Variants in AUTS2 observed in about 807,000 individuals in gnomAD.
The protein encoded by AUTS2 is autism susceptibility gene 2 protein.
AUTS2 carries 17 observed loss-of-function variants against 112.4 expected under a neutral mutation model. The ratio of observed to expected loss-of-function variants is 0.15; its 90% CI spans 0.10 to 0.23. The LOEUF (loss-of-function observed/expected upper bound fraction) is 0.23. AUTS2 is among the 10% of genes least tolerant of loss of function. The pLI is 1.00. For synonymous variants in AUTS2, 751 were observed against 702.7 expected (o/e 1.07, Z -1.09); for missense variants, 1,510 against 1,701.6 (o/e 0.89, Z 1.98).
At chr7:70,548,932 C>T (rs910003131) in intron 5 of AUTS2, among the ~76,000 whole-genome samples, 7 of 143,880 alleles carry the variant, frequency 4.9e-5, no homozygotes, top group Admixed American at 4.1e-4. Flanking sequence ...CTACCCCCCC[C>T]CCAAAAAAAA....
At chr7:70,606,623 G>C (rs550051666) in intron 5 of AUTS2, among the ~76,000 whole-genome samples, 1 of 152,116 alleles carries the variant, frequency 6.6e-6, no homozygotes, top group Non-Finnish European at 1.5e-5. Context: ...CACTTTGGGA[G>C]GCTGAGGCAG....
At chr7:70,474,258 T>TG (rs1280329985) in intron 5 of AUTS2, among the ~76,000 whole-genome samples, 13 of 152,338 alleles carry the variant, frequency 8.5e-5, no homozygotes, top group African/African-American at 2.9e-4. Context: ...ACTCACAAGA[T>TG]GAAGTTTACT....
intron 1 of AUTS2, among the ~76,000 whole-genome samples, chr7:69,855,073 T>C (rs1166527336): frequency 6.6e-6 from 1 of 152,218 alleles, no homozygotes; most frequent in Non-Finnish European, 1.5e-5. Flanking sequence ...GGTGAAAATC[T>C]ACAGAAAACA....
intron 5 of AUTS2, among the ~76,000 whole-genome samples, chr7:70,561,664 G>A (rs1013296083): frequency 2.0e-5 from 3 of 152,062 alleles, no homozygotes; most frequent in Non-Finnish European, 4.4e-5. Flanking sequence ...GAAGCTTTAC[G>A]TTAGGTTGAT....
chr7:70,017,684 C>T (rs1401390121), intron 2 of AUTS2, among the ~76,000 whole-genome samples: 1 of 152,146 alleles, frequency 6.6e-6, no homozygotes, highest in Non-Finnish European at 1.5e-5. Flanking sequence ...TATTTTCAGT[C>T]TTCCTCCAGA....
intron 4 of AUTS2, among the ~76,000 whole-genome samples, chr7:70,271,064 G>C (rs1787671453): frequency 6.6e-6 from 1 of 151,946 alleles, no homozygotes; most frequent in East Asian, 1.9e-4. Context: ...CCGGAGTTCA[G>C]GCTTCTCCTG....
intron 1 of AUTS2, among the ~76,000 whole-genome samples, chr7:69,778,248 T>TATATA (rs1562876862): frequency 1.0e-3 from 55 of 52,704 alleles, no homozygotes; most frequent in African/African-American, 1.9e-3. Context: ...ATATATATAT[T>TATATA]TTTTTTTTTT....
chr7:70,645,548 T>C (rs1170997216), intron 5 of AUTS2, among the ~76,000 whole-genome samples: 1 of 152,120 alleles, frequency 6.6e-6, no homozygotes, highest in Non-Finnish European at 1.5e-5. Context: ...GTGTGGTTTT[T>C]TCCCATAGAG....
rs185791079 is a variant in AUTS2, at chr7:69,800,811, A to G, written c.310-98475A>G. Among the ~76,000 whole-genome samples the G allele has an allele frequency of 5.1e-4, 77 of 152,194 alleles. No homozygotes were observed. In the Middle Eastern group the frequency reaches 0.01, roughly 20 times the overall value. The stretch of plus-strand genomic sequence containing the variant: ...GCCTTTTTCCCCAGCCCCTCCCTGC[A>G]CTGTTCCTGAAGAGGGCTGTGTTTT... On this transcript the variant is annotated intron_variant, in intron 1 of 18. Transcript: ENST00000342771.
chr7:70,000,136 A>G (rs1265084914), intron 2 of AUTS2, among the ~76,000 whole-genome samples: 1 of 152,228 alleles, frequency 6.6e-6, no homozygotes, highest in Non-Finnish European at 1.5e-5. Flanking sequence ...GCACATTGAA[A>G]CAAATTTATG....
intron 2 of AUTS2, among the ~76,000 whole-genome samples, chr7:70,069,204 C>T (rs1028624933): frequency 2.0e-5 from 3 of 152,122 alleles, no homozygotes; most frequent in African/African-American, 7.2e-5. Flanking sequence ...GAGCATAGCT[C>T]TCTCTGACTT....
At chr7:70,026,419 A>G (rs1421680502) in intron 2 of AUTS2, among the ~76,000 whole-genome samples, 1 of 152,080 alleles carries the variant, frequency 6.6e-6, no homozygotes, top group Non-Finnish European at 1.5e-5. Context: ...GGCTCCTTAC[A>G]GCACACATGG....
intron 6 of AUTS2, among the ~76,000 whole-genome samples, chr7:70,711,847 C>T (rs1810068980): frequency 6.6e-6 from 1 of 152,172 alleles, no homozygotes; most frequent in Non-Finnish European, 1.5e-5. Context: ...GTACCGGTGA[C>T]CCTGGCGAAA....
intron 4 of AUTS2, among the ~76,000 whole-genome samples, chr7:70,332,940 C>A (rs1254075754): frequency 6.6e-6 from 1 of 152,120 alleles, no homozygotes; most frequent in Non-Finnish European, 1.5e-5. Context: ...AAAGCAATGG[C>A]AACAAAAGCC....
chr7:70,176,282 A>C (rs1205959127), intron 4 of AUTS2, among the ~76,000 whole-genome samples: 1 of 152,230 alleles, frequency 6.6e-6, no homozygotes, highest in African/African-American at 2.4e-5. Context: ...TAATAATTAT[A>C]CAATAGTAGT....
intron 2 of AUTS2, among the ~76,000 whole-genome samples, chr7:70,052,135 T>G (rs762237403): frequency 1.3e-5 from 2 of 152,224 alleles, no homozygotes; most frequent in Non-Finnish European, 2.9e-5. Context: ...TAGAGTGATC[T>G]TAACAGTAAT....
chr7:70,658,483 G>A (rs1806896379), intron 5 of AUTS2, among the ~76,000 whole-genome samples: 1 of 152,214 alleles, frequency 6.6e-6, no homozygotes, highest in African/African-American at 2.4e-5. Flanking sequence ...GATCCGCTTT[G>A]AAACCAGAGC....
At chr7:69,956,158 C>A (rs1451241221) in intron 2 of AUTS2, among the ~76,000 whole-genome samples, 1 of 152,064 alleles carries the variant, frequency 6.6e-6, no homozygotes, top group East Asian at 1.9e-4. Flanking sequence ...TCTCCCTTCA[C>A]CTGGCATTTT....
chr7:70,322,633 C>T (rs1304429642), intron 4 of AUTS2, among the ~76,000 whole-genome samples: 2 of 152,124 alleles, frequency 1.3e-5, no homozygotes, highest in Admixed American at 6.5e-5. Context: ...AAATGAGAAT[C>T]GAGCAAGTGA....
Sources: gnomAD v4.1 joint callset for allele counts (sites outside exome capture counted in the v4.1 genomes callset) on GRCh38, gnomAD v4.1.1 for gene constraint, MANE v1.5 for transcripts, NCBI Gene and HGNC (gene_info 2026-07-23, HGNC 2026-07-21) for gene names.